POMT1: variants seen among roughly 807,000 people sequenced by gnomAD.
POMT1 encodes protein O-mannosyltransferase 1.
In POMT1, 85 loss-of-function variants were observed where a neutral mutation model predicts 101.6. That is an observed-to-expected ratio of 0.84 (90% CI 0.70 to 1.00). POMT1 has a LOEUF of 1.00. POMT1 is among the 50% of genes least tolerant of loss of function. The pLI, the probability that POMT1 is intolerant of heterozygous loss-of-function variation, is 0.00. For missense variants in POMT1, 857 were observed against 930.4 expected, an observed-to-expected ratio of 0.92 and a Z score of 1.03; for synonymous variants, 371 against 383.0, an observed-to-expected ratio of 0.97 and a Z score of 0.37.
At chr9:131,510,210 G>A in intron 8 of POMT1, 50 bp from the exon 9 acceptor site, 1 of 1,613,472 alleles carries the variant, frequency 6.2e-7, no homozygotes, top group East Asian at 2.2e-5. Flanking sequence ...CTAGAGGTGG[G>A]TACGCTTTTC....
intron 2 of POMT1, 26 bp downstream of exon 2, chr9:131,504,366 G>A (rs1482662696): frequency 1.9e-6 from 3 of 1,614,136 alleles, no homozygotes; most frequent in African/African-American, 1.3e-5. Context: ...CCATTCCCAG[G>A]GTGAATCTAG....
At position 131,519,740 on chromosome 9, in the gene POMT1, C is replaced by T. The variant is rs900316752; in HGVS notation, c.1584+254C>T. 6.6e-6 allele frequency among the ~76,000 whole-genome samples: 1 copy of T among 152,136 alleles called. No homozygotes were observed. Among genetic ancestry groups the T allele is most frequent in the African/African-American group, 2.4e-5 (1 of 41,422 alleles). On this transcript the variant is annotated intron_variant, in intron 16 of 19. Transcript: ENST00000402686. The surrounding 1 kb of genome is among the most constrained non-coding windows in gnomAD (Gnocchi z 4.3). The stretch of plus-strand genomic sequence containing the variant: ...GCAACATCGCCAGGGTGTCTTAAGG[C>T]CCCCAGGCAGCGAAATGGGCCACAC...
chr9:131,520,904 G>A (rs1343525417), intron 17 of POMT1, among the ~76,000 whole-genome samples: 5 of 152,192 alleles, frequency 3.3e-5, no homozygotes, highest in African/African-American at 4.8e-5. Flanking sequence ...GTACAGTGGC[G>A]TGATCTTGGC....
At chr9:131,516,266 TTCCTCACAC>T (rs1948569831) in intron 13 of POMT1, among the ~76,000 whole-genome samples, 6 of 137,974 alleles carry the variant, frequency 4.3e-5, no homozygotes, top group African/African-American at 1.2e-4. Context: ...CACGGAACAC[TTCCTCACAC>T]GGAACACCTC....
rs1242157268 is a variant in POMT1, at chr9:131,520,128, T to A, written c.1633T>A (p.Ser545Thr). 1 of 1,613,782 alleles carries A rather than the reference T, an allele frequency of 6.2e-7. No homozygotes were observed. The highest frequency in any genetic ancestry group is 1.7e-5 in the Admixed American group (1 of 60,020). The change falls in exon 17 of 20, where the codon TCC becomes ACC. Residue 545 changes from serine (S) to threonine (T), a missense_variant. By Grantham distance (58) the Ser-to-Thr change is moderately conservative. Coordinates refer to ENST00000402686, the MANE Select transcript of POMT1 (RefSeq NM_001077365.2). ...RSDDSEHKYS[S>T]SPLEWVTLDT... Reference sequence around the variant, plus strand: ...TGATGACTCGGAACACAAGTACAGCTCCAGCCCACTGGAGTGGGTCACCCT... The same window carrying A: ...TGATGACTCGGAACACAAGTACAGCACCAGCCCACTGGAGTGGGTCACCCT...
Position 131,507,477 on chromosome 9 carries a change from T to TAG in POMT1, c.390_391insAG (p.Cys131SerfsTer10). On this transcript the variant is annotated frameshift_variant, in exon 5 of 20. Transcript: ENST00000402686. LOFTEE classifies it high-confidence loss of function. Reference sequence around the variant, plus strand: ...TAGTGTTGGAGCTCCACTTTTCTCATTGTGCCGCCATGGGAGCTGCTCTGT... The same window carrying TAG: ...TAGTGTTGGAGCTCCACTTTTCTCATAGTGTGCCGCCATGGGAGCTGCTCTGT... 1 of 1,614,174 alleles carries TAG rather than the reference T, an allele frequency of 6.2e-7. No individual in the cohort carries two copies. Among genetic ancestry groups the TAG allele is most frequent in the Non-Finnish European group, 8.5e-7 (1 of 1,180,024 alleles).
Position 131,510,267 on chromosome 9 carries a change from T to A in POMT1, c.707T>A (p.Val236Glu), listed in dbSNP as rs1244231153. The change falls in exon 9 of 20, where the codon GTG becomes GAG. Residue 236 changes from valine to glutamate, a missense_variant. Coordinates refer to ENST00000402686, the MANE Select transcript of POMT1 (RefSeq NM_001077365.2). Reference protein sequence around the residue: ...LGDQTLSNVCVFCHLLARAVA... With the variant: ...LGDQTLSNVCEFCHLLARAVA... The stretch of plus-strand genomic sequence containing the variant: ...TCTTTGAATCTCTGGCAGGTCTGTG[T>A]GTTCTGTCACTTGCTCGCCCGAGCA... The A allele has an allele frequency of 1.9e-6, 3 of 1,614,126 alleles. No individual in the cohort carries two copies. In the South Asian group the frequency reaches 3.3e-5, roughly 18 times the overall value.
chr9:131,514,625 G>A (rs916548511), intron 12 of POMT1, among the ~76,000 whole-genome samples: 2 of 152,228 alleles, frequency 1.3e-5, no homozygotes, highest in African/African-American at 4.8e-5. Context: ...GCATGGTGCG[G>A]TACCACATGG....
intron 2 of POMT1, among the ~76,000 whole-genome samples, chr9:131,504,729 C>T (rs1451257121): frequency 6.9e-6 from 1 of 145,296 alleles, no homozygotes; most frequent in Admixed American, 6.9e-5. Flanking sequence ...TATTGAAGGG[C>T]TCTTTATTAA....
chr9:131,523,168 A>G lies in POMT1; in HGVS notation c.*62A>G. ...GGGATGAGGTTGAAGGGTCTTGGTC[A>G]ATGTACGTAATGAGCAGGGTGGGCC... On this transcript the variant is annotated 3_prime_UTR_variant, in exon 20 of 20. Coordinates refer to ENST00000402686, the MANE Select transcript of POMT1 (RefSeq NM_001077365.2). 1 of 1,568,438 alleles carries G rather than the reference A, an allele frequency of 6.4e-7. No individual in the cohort carries two copies. The highest frequency in any genetic ancestry group is 8.6e-7 in the Non-Finnish European group (1 of 1,157,216).
At chr9:131,506,637 G>A (rs958824114) in intron 4 of POMT1, 184 bp downstream of exon 4, 1 of 656,284 alleles carries the variant, frequency 1.5e-6, no homozygotes, top group Admixed American at 2.6e-5. Flanking sequence ...AAGACTTCTG[G>A]AAAGTCTGGT....
At chr9:131,508,164 G>C (rs991375974) in intron 5 of POMT1, among the ~76,000 whole-genome samples, 6 of 152,020 alleles carry the variant, frequency 3.9e-5, no homozygotes, top group Non-Finnish European at 8.8e-5. Context: ...TTGAACCTGG[G>C]AGGTGGAGGT....
chr9:131,513,287 C>CA lies in POMT1; in HGVS notation c.1132dup (p.Met378AsnfsTer17). The CA allele has an allele frequency of 6.2e-7, 1 of 1,613,060 alleles. No homozygotes were observed. Among genetic ancestry groups the CA allele is most frequent in the Non-Finnish European group, 8.5e-7 (1 of 1,179,980 alleles). ...CTCCGAGACCTGTGAGGCACGGGGA[C>CA]ATGGTGCAGCTGGTCCACGGCATGA... On this transcript the variant is annotated frameshift_variant, in exon 12 of 20. Coordinates refer to ENST00000402686, the MANE Select transcript of POMT1 (RefSeq NM_001077365.2). LOFTEE classifies it high-confidence loss of function.
rs562651550 is a variant in POMT1, at chr9:131,522,743, T to C, written c.2004-189T>C. Among the ~76,000 whole-genome samples, 7 of 152,196 alleles carry C rather than the reference T, an allele frequency of 4.6e-5. No individual in the cohort carries two copies. The highest frequency in any genetic ancestry group is 1.2e-4 in the African/African-American group (5 of 41,548). On this transcript the variant is annotated intron_variant, in intron 19 of 19. Coordinates refer to ENST00000402686, the MANE Select transcript of POMT1 (RefSeq NM_001077365.2). This position sits in a 1 kb window ranked among gnomAD's most constrained non-coding sequence, Gnocchi z 5.5. ...GCCACTGTGGAGGCCTGAGGAGTCATCAGGGGGCCCCTCTCAGTGCATCCA... is the reference window on the plus strand; with the variant it reads ...GCCACTGTGGAGGCCTGAGGAGTCACCAGGGGGCCCCTCTCAGTGCATCCA...
chr9:131,513,182 G>A, intron 11 of POMT1, 57 bp from the exon 12 acceptor site: 1 of 1,442,940 alleles, frequency 6.9e-7, no homozygotes, highest in East Asian at 2.3e-5. Context: ...CTCCGGTGCA[G>A]CTGTTAGTTC....
intron 12 of POMT1, 89 bp downstream of exon 12, chr9:131,513,420 C>T (rs1947569375): frequency 5.0e-6 from 6 of 1,198,440 alleles, no homozygotes; most frequent in Admixed American, 3.9e-5. Context: ...TGCCTTGGGC[C>T]GCTGCCCCCT....
At chr9:131,515,176 G>A (rs905040859) in intron 12 of POMT1, among the ~76,000 whole-genome samples, 7 of 152,296 alleles carry the variant, frequency 4.6e-5, no homozygotes, top group African/African-American at 1.7e-4. Flanking sequence ...ACAGGTGGAA[G>A]GTTCCACAGC....
At position 131,519,482 on chromosome 9, in the gene POMT1, T is replaced by C; in HGVS notation, c.1580T>C (p.Leu527Pro). ...NLSFMARFSE[L>P]QWRMLALRSD... ...AGCTTCATGGCGAGATTCTCGGAGCTGCAGGTGAGGAGCGGCCAGGGGAAG... is the reference window on the plus strand; with the variant it reads ...AGCTTCATGGCGAGATTCTCGGAGCCGCAGGTGAGGAGCGGCCAGGGGAAG... Residue 527 changes from leucine to proline, a missense_variant, in exon 16 of 20, where the codon CTG becomes CCG. By Grantham distance (98) the Leu-to-Pro change is moderately conservative. Transcript: ENST00000402686. This position sits in a 1 kb window ranked among gnomAD's most constrained non-coding sequence, Gnocchi z 4.3. 2 of 1,550,208 alleles carry C rather than the reference T, an allele frequency of 1.3e-6. No homozygotes were observed. Among genetic ancestry groups the C allele is most frequent in the Non-Finnish European group, 1.7e-6 (2 of 1,146,972 alleles).
At chr9:131,521,045 G>A (rs982245007) in intron 17 of POMT1, 22 of 415,778 alleles carry the variant, frequency 5.3e-5, no homozygotes, top group African/African-American at 2.4e-4. Flanking sequence ...GTTTCGCCAC[G>A]TTGGGCAGGC....
Sources: gnomAD v4.1 joint callset for allele counts (sites outside exome capture counted in the v4.1 genomes callset) on GRCh38, gnomAD v4.1.1 for gene constraint, Gnocchi (gnomAD v3.1) non-coding constraint, MANE v1.5 for transcripts, NCBI Gene and HGNC (gene_info 2026-07-23, HGNC 2026-07-21) for gene names.